Variants in ERI1 observed in about 807,000 individuals in gnomAD.
The protein encoded by ERI1 is exoribonuclease 1.
Under a neutral mutation model 39.7 loss-of-function variants are expected in ERI1, and 39 were observed. The ratio of observed to expected loss-of-function variants is 0.98; its 90% CI spans 0.76 to 1.28. The LOEUF is 1.28. ERI1 is among the 50% of genes most tolerant of loss of function. ERI1 has a pLI of 0.00. For missense variants in ERI1, 581 were observed against 416.9 expected (o/e 1.39, Z -3.43); for synonymous variants, 204 against 149.6 (o/e 1.36, Z -2.65).
chr8:9,003,160 C>T lies in ERI1; in HGVS notation c.97C>T (p.Pro33Ser), dbSNP rs936424995. ...GGAGGGCGGGGAGGAGCCGCCGCGTCCCAGTCCCGAGGTGAGGAGTCGACC... is the reference window on the plus strand; with the variant it reads ...GGAGGGCGGGGAGGAGCCGCCGCGTTCCAGTCCCGAGGTGAGGAGTCGACC... Reference protein sequence around the residue: ...RPEGGEEPPRPSPEETQQCKF... With the variant: ...RPEGGEEPPRSSPEETQQCKF... Residue 33 changes from proline to serine, a missense_variant, in exon 1 of 7, where the codon CCC becomes TCC. Transcript: ENST00000250263. 8.8e-6 allele frequency: 11 copies of T among 1,243,830 alleles called. No individual in the cohort carries two copies. The South Asian group carries it at 1.5e-4, about 17-fold the overall frequency. 77.0% of individuals were successfully genotyped at this position (1,243,830 alleles called of 1,614,324 possible). A position where few individuals can be genotyped will look rare whatever the true frequency, so the allele number is the denominator to read the frequency against.
chr8:9,019,843 C>G (rs1359447666), intron 5 of ERI1, among the ~76,000 whole-genome samples: 3 of 152,108 alleles, frequency 2.0e-5, no homozygotes, highest in Non-Finnish European at 2.9e-5. Context: ...CTAAGAAAAA[C>G]CACGTAGGAA....
intron 6 of ERI1, among the ~76,000 whole-genome samples, chr8:9,023,764 A>G (rs1481355653): frequency 1.3e-5 from 2 of 150,664 alleles, no homozygotes; most frequent in African/African-American, 2.4e-5. Context: ...TGGTATGTCT[A>G]AAAACATTTT....
Position 9,030,957 on chromosome 8 carries a change from C to T in ERI1, c.*923C>T, listed in dbSNP as rs561781221. On this transcript the variant is annotated 3_prime_UTR_variant, in exon 7 of 7. Transcript: ENST00000250263. Reference sequence around the variant, plus strand: ...TTCATTGGCCACTAGTGAAGTTAGTCAATAAAAGACTTGTTTTTCTGATTT... The same window carrying T: ...TTCATTGGCCACTAGTGAAGTTAGTTAATAAAAGACTTGTTTTTCTGATTT... The T allele has an allele frequency of 1.5e-4, 23 of 152,222 alleles. No individual in the cohort carries two copies. The highest frequency in any genetic ancestry group is 5.5e-4 in the African/African-American group (23 of 41,532). 9.4% of individuals were successfully genotyped at this position (152,222 alleles called of 1,614,324 possible).
chr8:9,009,553 T>G (rs1816441848), intron 2 of ERI1, among the ~76,000 whole-genome samples: 1 of 152,172 alleles, frequency 6.6e-6, no homozygotes, highest in Non-Finnish European at 1.5e-5. Context: ...TATTTTTTAT[T>G]TTTTTGAGAC....
chr8:9,051,395 GC>G (rs936310033), intron 3 of ERI1, among the ~76,000 whole-genome samples: 4 of 152,060 alleles, frequency 2.6e-5, no homozygotes, highest in Non-Finnish European at 5.9e-5. Flanking sequence ...GGTGGCTCAT[GC>G]CTGTAATCTC....
At chr8:9,086,878 C>G (rs983671085) in intron 3 of ERI1, among the ~76,000 whole-genome samples, 5 of 152,158 alleles carry the variant, frequency 3.3e-5, no homozygotes, top group Admixed American at 6.5e-5. Flanking sequence ...AATGGACTTA[C>G]TATTATGTAT....
intron 4 of ERI1, 23 bp from the exon 5 acceptor site, chr8:9,018,274 A>G (rs368346626): frequency 1.1e-4 from 160 of 1,453,866 alleles, no homozygotes; most frequent in Non-Finnish European, 1.5e-4. Flanking sequence ...TGATTTTTGT[A>G]TATTTTACTT....
chr8:9,026,309 A>G (rs1232348427), intron 6 of ERI1, among the ~76,000 whole-genome samples: 3 of 152,276 alleles, frequency 2.0e-5, no homozygotes, highest in Non-Finnish European at 2.9e-5. Context: ...CATTAAGTAC[A>G]TTCACATTAT....
Position 9,042,314 on chromosome 8 carries a change from C to A in ERI1, n.299+21850C>A, listed in dbSNP as rs539951578. On this transcript the variant is annotated intron_variant and non_coding_transcript_variant, in intron 3 of 3. Transcript: ENST00000518663. The stretch of plus-strand genomic sequence containing the variant: ...ACACAAGATTTCAACTATCCCTTCT[C>A]TGCAAAAGGTTCCTAAAATCTATTG... 2.0e-5 allele frequency among the ~76,000 whole-genome samples: 3 copies of A among 152,338 alleles called. No individual in the cohort carries two copies. In the South Asian group the frequency reaches 6.2e-4, roughly 32 times the overall value.
chr8:9,022,287 T>C (rs1817993937), intron 6 of ERI1, among the ~76,000 whole-genome samples: 1 of 152,196 alleles, frequency 6.6e-6, no homozygotes, highest in African/African-American at 2.4e-5. Flanking sequence ...TTAAAAAAAA[T>C]TGGGTAGTCT....
chr8:9,067,744 G>A (rs1798926696), intron 3 of ERI1, among the ~76,000 whole-genome samples: 1 of 151,518 alleles, frequency 6.6e-6, no homozygotes, highest in African/African-American at 2.4e-5. Context: ...TTTTAAAGAA[G>A]CTGGGTTCCA....
chr8:9,048,725 G>A (rs1442805404), intron 3 of ERI1, among the ~76,000 whole-genome samples: 2 of 152,188 alleles, frequency 1.3e-5, no homozygotes, highest in Non-Finnish European at 2.9e-5. Context: ...GTTGACTGCA[G>A]CCTCAATCTC....
rs766654542 is a variant in ERI1 at position 9,032,202 on chromosome 8, C to G, written c.*2168C>G. 1.3e-5 allele frequency: 2 copies of G among 152,134 alleles called. No homozygotes were observed. Among genetic ancestry groups the G allele is most frequent in the Non-Finnish European group, 2.9e-5 (2 of 68,030 alleles). 9.4% of individuals were successfully genotyped at this position (152,134 alleles called of 1,614,324 possible). A position where few individuals can be genotyped will look rare whatever the true frequency, so the allele number is the denominator to read the frequency against. Reference sequence around the variant, plus strand: ...TGTTGTCTTTGAAAGACAAATAGTACAACTTTTTACAAGGAAACACGTAAG... The same window carrying G: ...TGTTGTCTTTGAAAGACAAATAGTAGAACTTTTTACAAGGAAACACGTAAG... On this transcript the variant is annotated 3_prime_UTR_variant, in exon 7 of 7. Coordinates refer to ENST00000250263, the MANE Select transcript of ERI1 (RefSeq NM_153332.4).
intron 3 of ERI1, among the ~76,000 whole-genome samples, chr8:9,012,153 C>G (rs866995159): frequency 1.4e-4 from 21 of 152,136 alleles, no homozygotes; most frequent in Non-Finnish European, 2.8e-4. Context: ...TTTTAATATG[C>G]GGTCAGGCTT....
At chr8:9,047,865 G>A (rs904212443) in intron 3 of ERI1, among the ~76,000 whole-genome samples, 31 of 152,336 alleles carry the variant, frequency 2.0e-4, no homozygotes, top group African/African-American at 7.0e-4. Context: ...GTGTTGGGGT[G>A]CACGAGTGCA....
intron 3 of ERI1, among the ~76,000 whole-genome samples, chr8:9,015,576 G>A (rs1007930651): frequency 6.6e-6 from 1 of 151,878 alleles, no homozygotes; most frequent in Admixed American, 6.6e-5. Context: ...CAAAAGATCA[G>A]CCAGGCGTGG....
chr8:9,091,985 C>T (rs1295091207), intron 3 of ERI1, among the ~76,000 whole-genome samples: 1 of 152,194 alleles, frequency 6.6e-6, no homozygotes, highest in Admixed American at 6.6e-5. Context: ...GAGACAGGGT[C>T]TCACTCTGTC....
chr8:9,074,882 C>T lies in ERI1; in HGVS notation n.300-41466C>T, dbSNP rs180914657. ...CCTTCTAAGGGAAAAGCAGTATCTC[C>T]TGGTGTGGTCTGGTGTGGTCTTAAT... is the stretch of plus-strand genomic sequence containing the variant. On this transcript the variant is annotated intron_variant and non_coding_transcript_variant, in intron 3 of 3. Coordinates refer to the ERI1 transcript ENST00000518663. Among the ~76,000 whole-genome samples the T allele has an allele frequency of 2.6e-5, 4 of 152,326 alleles. No homozygotes were observed. The East Asian group carries it at 7.7e-4, about 29-fold the overall frequency.
chr8:9,012,293 G>A (rs1816754922), intron 3 of ERI1, among the ~76,000 whole-genome samples: 1 of 152,170 alleles, frequency 6.6e-6, no homozygotes, highest in Non-Finnish European at 1.5e-5. Flanking sequence ...TGGTTTCTAA[G>A]CCAAATAATA....
Sources: gnomAD v4.1 joint callset for allele counts (sites outside exome capture counted in the v4.1 genomes callset) on GRCh38, gnomAD v4.1.1 for gene constraint, MANE v1.5 for transcripts, NCBI Gene and HGNC (gene_info 2026-07-23, HGNC 2026-07-21) for gene names.